SUGCT: variants seen among roughly 807,000 people sequenced by gnomAD.
SUGCT encodes the protein succinyl-CoA:glutarate CoA-transferase.
A neutral mutation model predicts 55.0 loss-of-function variants in SUGCT; 41 were observed. That is an observed-to-expected ratio of 0.74 (90% CI 0.58 to 0.97). The LOEUF (loss-of-function observed/expected upper bound fraction) is 0.97. Ranked by LOEUF, SUGCT falls within the 50% of genes least tolerant of loss-of-function variation. The probability of loss-of-function intolerance (pLI) is 0.00; values close to 1 mark genes in which losing one functional copy is unlikely to be tolerated. For missense variants in SUGCT, 568 were observed against 547.8 expected (o/e 1.04, Z -0.37); for synonymous variants, 187 against 200.4 (o/e 0.93, Z 0.56).
intron 7 of SUGCT, among the ~76,000 whole-genome samples, chr7:40,244,002 G>A (rs1390379376): frequency 2.0e-5 from 3 of 152,072 alleles, no homozygotes; most frequent in East Asian, 3.9e-4. Flanking sequence ...GTGAAGCCCT[G>A]TCTCTACTAA....
At chr7:40,321,613 C>A (rs1312688720) in intron 9 of SUGCT, among the ~76,000 whole-genome samples, 3 of 151,854 alleles carry the variant, frequency 2.0e-5, no homozygotes, top group Non-Finnish European at 2.9e-5. Flanking sequence ...GAATGCCTGA[C>A]CTCAGGTGAT....
At chr7:40,570,076 A>AAGT (rs1374188997) in intron 12 of SUGCT, among the ~76,000 whole-genome samples, 1 of 152,230 alleles carries the variant, frequency 6.6e-6, no homozygotes, top group Non-Finnish European at 1.5e-5. Flanking sequence ...TATGTTAGGG[A>AAGT]AGTAGCTCAG....
At chr7:40,168,691 T>C (rs1584242034) in intron 1 of SUGCT, among the ~76,000 whole-genome samples, 1 of 152,344 alleles carries the variant, frequency 6.6e-6, no homozygotes, top group East Asian at 1.9e-4. Context: ...TGAAGGGTTT[T>C]AAGTAATTTC....
chr7:40,389,306 G>A (rs867361446), intron 9 of SUGCT, among the ~76,000 whole-genome samples: 1 of 152,026 alleles, frequency 6.6e-6, no homozygotes, highest in African/African-American at 2.4e-5. Flanking sequence ...AAAATGAGCT[G>A]GGCACGGTGG....
At chr7:41,033,756 A>AG in the SUGCT span, among the ~76,000 whole-genome samples, 1 of 152,078 alleles carries the variant, frequency 6.6e-6, no homozygotes, top group South Asian at 2.1e-4. Flanking sequence ...GTTTTGACTC[A>AG]GGGGGTTCCT....
the SUGCT span, among the ~76,000 whole-genome samples, chr7:41,026,161 C>A: frequency 0.013 from 2,049 of 152,318 alleles, 46 homozygotes; most frequent in African/African-American, 0.047. Flanking sequence ...CTGCGACCTG[C>A]GTAGGTCTTC....
the SUGCT span, among the ~76,000 whole-genome samples, chr7:40,898,480 CGGG>C: frequency 0.025 from 140 of 5,682 alleles, 11 homozygotes; most frequent in African/African-American, 0.059. Context: ...TCCGGGAGGT[CGGG>C]GGGGGGGGGG....
the SUGCT span, among the ~76,000 whole-genome samples, chr7:40,880,800 G>T: frequency 1.3e-5 from 2 of 152,304 alleles, no homozygotes; most frequent in South Asian, 4.1e-4. Flanking sequence ...ACAGCTGATA[G>T]ACAGAAGTTC....
chr7:40,874,290 T>C, the SUGCT span, among the ~76,000 whole-genome samples: 2 of 152,192 alleles, frequency 1.3e-5, no homozygotes, highest in African/African-American at 4.8e-5. Flanking sequence ...CAGTTGTGTA[T>C]AGAGTGGACC....
At chr7:40,397,309 T>C (rs1439902231) in intron 9 of SUGCT, among the ~76,000 whole-genome samples, 2 of 152,198 alleles carry the variant, frequency 1.3e-5, no homozygotes. Flanking sequence ...CCTTTAAAGC[T>C]CAGCTCTCAA....
the SUGCT span, among the ~76,000 whole-genome samples, chr7:40,932,258 T>C: frequency 2.6e-5 from 4 of 152,170 alleles, no homozygotes; most frequent in Non-Finnish European, 5.9e-5. Flanking sequence ...TAATCCTGAG[T>C]TCTAATTTGA....
the SUGCT span, among the ~76,000 whole-genome samples, chr7:41,018,729 A>C: frequency 6.6e-6 from 1 of 152,362 alleles, no homozygotes; most frequent in African/African-American, 2.4e-5. Flanking sequence ...ATAGAAATGC[A>C]GATGCTGACT....
chr7:40,526,083 G>A (rs1793778598), intron 12 of SUGCT, among the ~76,000 whole-genome samples: 1 of 152,142 alleles, frequency 6.6e-6, no homozygotes, highest in South Asian at 2.1e-4. Context: ...GATTTTTACT[G>A]TTAAATGTTG....
the SUGCT span, among the ~76,000 whole-genome samples, chr7:41,011,705 C>T: frequency 2.6e-5 from 4 of 152,172 alleles, no homozygotes; most frequent in Non-Finnish European, 5.9e-5. Context: ...GGACAGAAAA[C>T]AGTGTAAATC....
chr7:40,843,541 C>A (rs1276897799), intron 13 of SUGCT, among the ~76,000 whole-genome samples: 2 of 144,362 alleles, frequency 1.4e-5, no homozygotes, highest in Non-Finnish European at 1.5e-5. Context: ...TCAGTGTAGG[C>A]CTCACTGAGC....
chr7:40,664,763 G>A (rs1252322573), intron 12 of SUGCT, among the ~76,000 whole-genome samples: 1 of 151,074 alleles, frequency 6.6e-6, no homozygotes, highest in East Asian at 2.0e-4. Context: ...GGCAGATCAC[G>A]AGGTCAGGAG....
the SUGCT span, among the ~76,000 whole-genome samples, chr7:40,880,180 G>C: frequency 6.6e-6 from 1 of 152,180 alleles, no homozygotes; most frequent in Non-Finnish European, 1.5e-5. Flanking sequence ...CTTCCTCATG[G>C]TATTGTTTGA....
intron 9 of SUGCT, among the ~76,000 whole-genome samples, chr7:40,336,669 G>A (rs983287183): frequency 9.9e-5 from 15 of 151,916 alleles, no homozygotes; most frequent in South Asian, 2.1e-4. Context: ...CTAGCGGTCT[G>A]TCAATTTTGT....
intron 12 of SUGCT, among the ~76,000 whole-genome samples, chr7:40,718,667 C>T (rs1312948081): frequency 6.6e-6 from 1 of 152,102 alleles, no homozygotes; most frequent in Non-Finnish European, 1.5e-5. Context: ...TTACTACCAG[C>T]AGTTTGGAGA....
Sources: gnomAD v4.1 joint callset for allele counts (sites outside exome capture counted in the v4.1 genomes callset) on GRCh38, gnomAD v4.1.1 for gene constraint, MANE v1.5 for transcripts, NCBI Gene and HGNC (gene_info 2026-07-23, HGNC 2026-07-21) for gene names.